MYO1D: variants seen among roughly 807,000 people sequenced by gnomAD.
The protein encoded by MYO1D is unconventional myosin-Id.
Under a neutral mutation model 122.0 loss-of-function variants are expected in MYO1D, and 83 were observed. That is an observed-to-expected ratio of 0.68 (90% CI 0.57 to 0.82). The LOEUF (loss-of-function observed/expected upper bound fraction) is 0.82, where lower values mean the gene tolerates loss of function less well. Ranked by LOEUF, MYO1D falls within the 40% of genes least tolerant of loss-of-function variation. MYO1D has a pLI of 0.00. For missense variants in MYO1D, 1,157 were observed against 1,269.5 expected, an observed-to-expected ratio of 0.91 and a Z score of 1.35; for synonymous variants, 464 against 446.9, an observed-to-expected ratio of 1.04 and a Z score of -0.48.
chr17:32,743,354 T>C (rs1046485941), intron 13 of MYO1D, among the ~76,000 whole-genome samples: 5 of 152,266 alleles, frequency 3.3e-5, no homozygotes, highest in African/African-American at 1.2e-4. Context: ...CACTTTTAAT[T>C]GGGTATCCAA....
At chr17:32,868,142 T>C (rs1242802527) in intron 1 of MYO1D, among the ~76,000 whole-genome samples, 1 of 152,158 alleles carries the variant, frequency 6.6e-6, no homozygotes, top group Non-Finnish European at 1.5e-5. Context: ...AGGGTGATAG[T>C]TACAGAGTGA....
chr17:32,628,760 A>G (rs899307068), intron 20 of MYO1D, among the ~76,000 whole-genome samples: 1 of 152,246 alleles, frequency 6.6e-6, no homozygotes, highest in Non-Finnish European at 1.5e-5. Context: ...TGAGGATGGG[A>G]AGTAACAGAA....
intron 1 of MYO1D, among the ~76,000 whole-genome samples, chr17:32,794,981 A>G (rs981528422): frequency 6.6e-6 from 1 of 152,136 alleles, no homozygotes; most frequent in Non-Finnish European, 1.5e-5. Flanking sequence ...AGAAGTAGAC[A>G]GGCTTTAAGA....
chr17:32,722,558 C>T (rs1323872634), intron 14 of MYO1D, among the ~76,000 whole-genome samples: 2 of 152,176 alleles, frequency 1.3e-5, no homozygotes, highest in Non-Finnish European at 2.9e-5. Context: ...CCCTCCTTCC[C>T]ACTGAAGGAC....
intron 21 of MYO1D, among the ~76,000 whole-genome samples, chr17:32,534,566 G>A (rs1267400417): frequency 1.3e-5 from 2 of 152,190 alleles, no homozygotes; most frequent in Non-Finnish European, 2.9e-5. Flanking sequence ...AAGGAGGAAT[G>A]TTTTATTTGG....
chr17:32,864,764 C>T (rs1386423606), intron 1 of MYO1D, among the ~76,000 whole-genome samples: 1 of 151,938 alleles, frequency 6.6e-6, no homozygotes, highest in African/African-American at 2.4e-5. Flanking sequence ...AGCCAAGAAT[C>T]AAAGATGCAG....
intron 1 of MYO1D, among the ~76,000 whole-genome samples, chr17:32,833,349 C>T (rs4447477): frequency 0.41 from 62,092 of 151,956 alleles, 13,004 homozygotes; most frequent in East Asian, 0.54. Context: ...AAACACAATC[C>T]ATCTCTCTTC....
At chr17:32,818,379 G>A (rs2090632015) in intron 1 of MYO1D, among the ~76,000 whole-genome samples, 1 of 152,074 alleles carries the variant, frequency 6.6e-6, no homozygotes, top group Non-Finnish European at 1.5e-5. Context: ...ATGGAAGGAG[G>A]GTTGGCTAAG....
chr17:32,720,410 A>G (rs2150991173), intron 15 of MYO1D, among the ~76,000 whole-genome samples: 1 of 152,226 alleles, frequency 6.6e-6, no homozygotes, highest in Non-Finnish European at 1.5e-5. Context: ...CATTTTACAC[A>G]TGAGGAAACA....
At chr17:32,789,928 C>T (rs1278369959) in intron 1 of MYO1D, among the ~76,000 whole-genome samples, 2 of 152,064 alleles carry the variant, frequency 1.3e-5, no homozygotes, top group African/African-American at 4.8e-5. Flanking sequence ...TATTTTAAGC[C>T]CCCCTGGTTT....
At chr17:32,539,058 G>A (rs967606491) in intron 21 of MYO1D, among the ~76,000 whole-genome samples, 6 of 89,580 alleles carry the variant, frequency 6.7e-5, no homozygotes, top group Admixed American at 5.6e-4. Context: ...CATGGCACAT[G>A]TTTACCTACG....
intron 21 of MYO1D, among the ~76,000 whole-genome samples, chr17:32,501,665 A>G (rs537882289): frequency 2.0e-4 from 30 of 152,304 alleles, no homozygotes; most frequent in Admixed American, 1.7e-3. Flanking sequence ...TCCAGCACGT[A>G]CCGGGAGGCA....
intron 16 of MYO1D, among the ~76,000 whole-genome samples, chr17:32,673,818 A>G (rs1447502932): frequency 6.6e-6 from 1 of 152,238 alleles, no homozygotes; most frequent in Non-Finnish European, 1.5e-5. Context: ...GTTTTGGGGT[A>G]ACTGGATTTC....
rs539834319 is a variant in MYO1D at position 32,571,157 on chromosome 17, T to C, written c.2864+33930A>G. 4.3e-4 allele frequency among the ~76,000 whole-genome samples: 66 copies of C among 152,000 alleles called. 1 individual carries two copies. Among genetic ancestry groups the C allele is most frequent in the Middle Eastern group, 6.8e-3 (2 of 294 alleles). ...ACTGGTGCTAGAGTAGGTGAATCAG[T>C]GGGAAGTATCTGTGGGGCTTGCTGG... On this transcript the variant is annotated intron_variant, in intron 21 of 21. Coordinates refer to ENST00000318217, the MANE Select transcript of MYO1D (RefSeq NM_015194.3).
At chr17:32,644,432 G>A (rs1356181611) in intron 19 of MYO1D, among the ~76,000 whole-genome samples, 5 of 152,116 alleles carry the variant, frequency 3.3e-5, no homozygotes, top group Non-Finnish European at 5.9e-5. Flanking sequence ...TATTAGGTCC[G>A]CTTGGTGCAG....
intron 20 of MYO1D, among the ~76,000 whole-genome samples, chr17:32,609,820 A>G (rs2052413): frequency 0.31 from 46,699 of 152,032 alleles, 7,382 homozygotes; most frequent in South Asian, 0.37. Flanking sequence ...TCACCAACCA[A>G]TGTGGATCGT....
At chr17:32,819,185 T>C (rs1183891740) in intron 1 of MYO1D, among the ~76,000 whole-genome samples, 1 of 151,884 alleles carries the variant, frequency 6.6e-6, no homozygotes, top group African/African-American at 2.4e-5. Context: ...TAATGCTTCA[T>C]CATGTAGAAG....
At chr17:32,860,322 T>C (rs1033069935) in intron 1 of MYO1D, among the ~76,000 whole-genome samples, 3 of 152,222 alleles carry the variant, frequency 2.0e-5, no homozygotes, top group African/African-American at 7.2e-5. Flanking sequence ...TCTGGTTTTC[T>C]TTTTAGCTGC....
At chr17:32,789,549 ACTGTATTCT>A (rs1288330437) in intron 1 of MYO1D, among the ~76,000 whole-genome samples, 9 of 152,248 alleles carry the variant, frequency 5.9e-5, no homozygotes, top group Non-Finnish European at 1.5e-5. Flanking sequence ...CATAAGTTGA[ACTGTATTCT>A]CCCAAAAGAT....
Sources: allele counts gnomAD v4.1 joint callset (sites outside exome capture counted in the v4.1 genomes callset), GRCh38; gene constraint gnomAD v4.1.1; transcripts MANE v1.5; gene names NCBI Gene and HGNC (gene_info 2026-07-23, HGNC 2026-07-21).